The following RNF150 variants were observed in gnomAD, a reference collection of about 807,000 sequenced individuals.
RNF150 encodes the protein ring finger protein 150.
A neutral mutation model predicts 39.3 loss-of-function variants in RNF150; 24 were observed. The observed-to-expected ratio is 0.61, with a 90% CI of 0.44 to 0.86. The LOEUF (loss-of-function observed/expected upper bound fraction) is 0.86. Among genes scored for constraint, RNF150 ranks in the 40% least tolerant of loss-of-function variants. RNF150 has a pLI of 0.00. For missense variants in RNF150, 502 were observed against 587.8 expected (o/e 0.85, Z 1.51); for synonymous variants, 255 against 227.3 (o/e 1.12, Z -1.10).
intron 1 of RNF150, among the ~76,000 whole-genome samples, chr4:141,189,464 C>A (rs1728068341): frequency 6.6e-6 from 1 of 152,186 alleles, no homozygotes; most frequent in African/African-American, 2.4e-5. Flanking sequence ...AGTCAGCGGG[C>A]AGGAATGTTC....
intron 1 of RNF150, among the ~76,000 whole-genome samples, chr4:141,008,818 A>G (rs1734961144): frequency 6.6e-6 from 1 of 151,974 alleles, no homozygotes; most frequent in South Asian, 2.1e-4. Flanking sequence ...TTAAGTGTTC[A>G]TATCTGGTGG....
chr4:141,168,083 A>T (rs1727633376), intron 1 of RNF150, among the ~76,000 whole-genome samples: 1 of 152,172 alleles, frequency 6.6e-6, no homozygotes, highest in Non-Finnish European at 1.5e-5. Context: ...TGAGGAACTT[A>T]AAAAAATTTA....
intron 1 of RNF150, among the ~76,000 whole-genome samples, chr4:141,061,195 T>C (rs960160021): frequency 2.0e-5 from 3 of 152,114 alleles, no homozygotes; most frequent in African/African-American, 7.2e-5. Flanking sequence ...AAATGCTTTG[T>C]ATCATCTCTG....
chr4:140,980,839 C>T (rs865999022), intron 1 of RNF150, among the ~76,000 whole-genome samples: 1 of 152,134 alleles, frequency 6.6e-6, no homozygotes, highest in Non-Finnish European at 1.5e-5. Flanking sequence ...CGTTATAGAG[C>T]ATGAGAACAG....
At chr4:140,914,666 C>T (rs994872232) in intron 5 of RNF150, among the ~76,000 whole-genome samples, 1 of 151,882 alleles carries the variant, frequency 6.6e-6, no homozygotes, top group Non-Finnish European at 1.5e-5. Flanking sequence ...GACAGACCTA[C>T]ACCTGACTGG....
At chr4:141,130,473 T>C (rs1400309129) in intron 1 of RNF150, among the ~76,000 whole-genome samples, 1 of 152,234 alleles carries the variant, frequency 6.6e-6, no homozygotes, top group African/African-American at 2.4e-5. Flanking sequence ...TCCCACTATC[T>C]TAATCAAGCA....
At chr4:141,058,151 T>C (rs1280771965) in intron 1 of RNF150, among the ~76,000 whole-genome samples, 1 of 152,176 alleles carries the variant, frequency 6.6e-6, no homozygotes, top group African/African-American at 2.4e-5. Context: ...CTATTTTATT[T>C]CCTCATATAT....
In RNF150 at chr4:141,142,309, T is replaced by C. The variant is rs1727130090; in HGVS notation, c.-6+70485A>G. 1.3e-5 allele frequency among the ~76,000 whole-genome samples: 2 copies of C among 152,138 alleles called. 1 individual carries two copies. The highest frequency in any genetic ancestry group is 4.1e-4 in the South Asian group (2 of 4,822). ...CACCCTCCAGCCTATCAAAGCCAAC[T>C]CTCACTTTTTCTCAGAATCTTGTCC... is the stretch of plus-strand genomic sequence containing the variant. On this transcript the variant is annotated intron_variant, in intron 1 of 7. Transcript: ENST00000420921.
At chr4:141,050,936 C>T (rs1371083952) in intron 1 of RNF150, among the ~76,000 whole-genome samples, 1 of 152,196 alleles carries the variant, frequency 6.6e-6, no homozygotes, top group East Asian at 1.9e-4. Flanking sequence ...CTGCACTGCC[C>T]TAGCCGAGGT....
At chr4:141,080,957 G>C in intron 1 of RNF150, among the ~76,000 whole-genome samples, 1 of 152,146 alleles carries the variant, frequency 6.6e-6, no homozygotes, top group Non-Finnish European at 1.5e-5. Flanking sequence ...CTGCAGGTAC[G>C]GCTCTGGGTG....
Position 140,897,866 on chromosome 4 carries a change from T to C in RNF150, c.1198+13278A>G, listed in dbSNP as rs138631270. 1.7e-3 allele frequency among the ~76,000 whole-genome samples: 255 copies of C among 152,238 alleles called. 5 individuals carry two copies. The South Asian group carries it at 0.034, about 20-fold the overall frequency. ...CCATTTTACAGATGAGAACTAGAGG[T>C]ACAGAGAGGTTGAGCTATTTGTCCA... On this transcript the variant is annotated intron_variant, in intron 6 of 6. Coordinates refer to ENST00000515673, the MANE Select transcript of RNF150 (RefSeq NM_020724.2).
chr4:141,007,132 A>AT lies in RNF150; in HGVS notation c.485-39260dup, dbSNP rs1734897995. Reference sequence around the variant, plus strand: ...GGAATTGAGACAGTAATAAATCCCCATCTCTTCGTTTTAGAGTCTAAAAGA... The same window carrying AT: ...GGAATTGAGACAGTAATAAATCCCCATTCTCTTCGTTTTAGAGTCTAAAAGA... On this transcript the variant is annotated intron_variant, in intron 1 of 6. Coordinates refer to ENST00000515673, the MANE Select transcript of RNF150 (RefSeq NM_020724.2). Among the ~76,000 whole-genome samples, 3 of 152,310 alleles carry AT rather than the reference A, an allele frequency of 2.0e-5. No individual in the cohort carries two copies. In the South Asian group the frequency reaches 6.2e-4, roughly 32 times the overall value.
chr4:140,880,749 G>A (rs1729343699), intron 6 of RNF150, among the ~76,000 whole-genome samples: 1 of 151,800 alleles, frequency 6.6e-6, no homozygotes, highest in Non-Finnish European at 1.5e-5. Flanking sequence ...ATTTCTTCAT[G>A]ATTCAGTCAT....
At chr4:141,137,260 A>G (rs528310226), upstream of RNF150, among the ~76,000 whole-genome samples, 3 of 152,296 alleles carry the variant, frequency 2.0e-5, no homozygotes, top group Admixed American at 6.5e-5. Context: ...GTGAGGAAGT[A>G]TATGTGGTCT....
chr4:141,114,310 A>G (rs182966178), intron 1 of RNF150, among the ~76,000 whole-genome samples: 27 of 152,322 alleles, frequency 1.8e-4, no homozygotes, highest in Non-Finnish European at 1.5e-5. Flanking sequence ...GGACACAAAA[A>G]TGACGAGGAT....
At chr4:141,211,817 T>C (rs1728473501) in intron 1 of RNF150, among the ~76,000 whole-genome samples, 1 of 152,172 alleles carries the variant, frequency 6.6e-6, no homozygotes, top group South Asian at 2.1e-4. Context: ...CTATATAATC[T>C]TTACTGTCAA....
At chr4:141,183,893 T>C (rs974151780) in intron 1 of RNF150, among the ~76,000 whole-genome samples, 4 of 152,196 alleles carry the variant, frequency 2.6e-5, no homozygotes, top group Non-Finnish European at 2.9e-5. Context: ...ATATTTTCTT[T>C]ATTTAGTCTA....
At chr4:141,098,329 A>C (rs1190595194) in intron 1 of RNF150, among the ~76,000 whole-genome samples, 1 of 152,210 alleles carries the variant, frequency 6.6e-6, no homozygotes, top group Admixed American at 6.5e-5. Context: ...GCCAGTGCAC[A>C]GGCCTCCAAG....
intron 1 of RNF150, among the ~76,000 whole-genome samples, chr4:141,118,129 T>A (rs560503681): frequency 6.6e-6 from 1 of 152,130 alleles, no homozygotes; most frequent in Non-Finnish European, 1.5e-5. Context: ...ACACAAGCTC[T>A]GCTTCCTGGG....
Sources: allele counts gnomAD v4.1 joint callset (sites outside exome capture counted in the v4.1 genomes callset), GRCh38; gene constraint gnomAD v4.1.1; transcripts MANE v1.5; gene names NCBI Gene and HGNC (gene_info 2026-07-23, HGNC 2026-07-21).